LHX4: variants seen among roughly 807,000 people sequenced by gnomAD.
LHX4 encodes the protein LIM/homeobox protein Lhx4.
LHX4 carries 16 observed loss-of-function variants against 39.2 expected under a neutral mutation model. That is an observed-to-expected ratio of 0.41 (90% CI 0.28 to 0.62). LHX4 has a LOEUF of 0.62. Among genes scored for constraint, LHX4 ranks in the 20% least tolerant of loss-of-function variants. The pLI is 0.33. For missense variants in LHX4, 439 were observed against 511.9 expected, an observed-to-expected ratio of 0.86 and a Z score of 1.37; for synonymous variants, 206 against 198.1, an observed-to-expected ratio of 1.04 and a Z score of -0.33.
At position 180,277,863 on chromosome 1, in the gene LHX4, CCTT is replaced by C. The variant is rs1195253918; in HGVS notation, c.*3285_*3287del. ...CCACAAGAAAACCATTTGGCAGTGT[CCTT>C]AAACTTTTTTTGGGGGGGGGCAGTG... On this transcript the variant is annotated 3_prime_UTR_variant, in exon 6 of 6. Coordinates refer to ENST00000263726, the MANE Select transcript of LHX4 (RefSeq NM_033343.4). 1.1e-5 allele frequency: 1 copy of C among 93,140 alleles called. No homozygotes were observed. The highest frequency in any genetic ancestry group is 2.6e-5 in the Non-Finnish European group (1 of 38,686). The allele number at this position is 93,140 out of a possible 1,614,324, so 5.8% of individuals were successfully genotyped here. A position where few individuals can be genotyped will look rare whatever the true frequency, so the allele number is the denominator to read the frequency against.
At chr1:180,256,478 C>T (rs997719563) in intron 2 of LHX4, among the ~76,000 whole-genome samples, 2 of 152,218 alleles carry the variant, frequency 1.3e-5, no homozygotes, top group African/African-American at 4.8e-5. Flanking sequence ...GCAGGTCAGC[C>T]TGGGGGCCTC....
chr1:180,274,637 CAA>C lies in LHX4; in HGVS notation c.*61_*62del, dbSNP rs752434127. On this transcript the variant is annotated 3_prime_UTR_variant, in exon 6 of 6. Transcript: ENST00000263726. ...GGCTTGAGAGAATATCTTCAAGGAT[CAA>C]AAGAGACTTGCCTTTTAAGGATCGA... 36 of 1,487,260 alleles carry C rather than the reference CAA, an allele frequency of 2.4e-5. No individual in the cohort carries two copies. In the East Asian group the frequency reaches 4.3e-4, roughly 18 times the overall value. The allele number at this position is 1,487,260 out of a possible 1,614,324, so 92.1% of individuals were successfully genotyped here. A position where few individuals can be genotyped will look rare whatever the true frequency, so the allele number is the denominator to read the frequency against.
rs574475913 is a variant in LHX4, at chr1:180,234,702, C to T, written c.76+4097C>T. ...GGGCAAAGGTCTGCATTGAGCAGTC[C>T]GCAGTGTCCCGGGAAGTCGTAAAGT... On this transcript the variant is annotated intron_variant, in intron 1 of 5. Transcript: ENST00000263726. The surrounding 1 kb of genome is among the most constrained non-coding windows in gnomAD (Gnocchi z 4.8). 7.8e-4 allele frequency among the ~76,000 whole-genome samples: 119 copies of T among 152,388 alleles called. No homozygotes were observed. Among genetic ancestry groups the T allele is most frequent in the Admixed American group, 2.5e-3 (38 of 15,312 alleles).
rs149053932 is a variant in LHX4, at chr1:180,265,804, T to C, written c.249-588T>C. 3.3e-5 allele frequency among the ~76,000 whole-genome samples: 5 copies of C among 152,150 alleles called. No homozygotes were observed. The East Asian group carries it at 9.7e-4, about 30-fold the overall frequency. On this transcript the variant is annotated intron_variant, in intron 2 of 5. Transcript: ENST00000263726. ...CTTGGAGGGCTTTGTGTGTGCAGAATGGAGGTGAGGGGAGAAATGGAGGCA... is the reference window on the plus strand; with the variant it reads ...CTTGGAGGGCTTTGTGTGTGCAGAACGGAGGTGAGGGGAGAAATGGAGGCA...
At chr1:180,249,785 G>A (rs1331625648) in intron 2 of LHX4, among the ~76,000 whole-genome samples, 1 of 152,214 alleles carries the variant, frequency 6.6e-6, no homozygotes, top group Non-Finnish European at 1.5e-5. Context: ...GGTAACCAGT[G>A]CGTGGGGCTG....
At position 180,274,585 on chromosome 1, in the gene LHX4, TCTC is replaced by T. The variant is rs1440904685; in HGVS notation, c.*11_*13del. The T allele has an allele frequency of 1.9e-6, 3 of 1,558,966 alleles. No homozygotes were observed. The highest frequency in any genetic ancestry group is 2.6e-6 in the Non-Finnish European group (3 of 1,153,978). ...TGGATCATCCTCCTTTTTAAACTTC[TCTC>T]CTCCCCACCCTACCTGCCCCCCTGG... is the stretch of plus-strand genomic sequence containing the variant. On this transcript the variant is annotated 3_prime_UTR_variant, in exon 6 of 6. Coordinates refer to ENST00000263726, the MANE Select transcript of LHX4 (RefSeq NM_033343.4).
chr1:180,242,394 ATCTT>A (rs1664462207), intron 1 of LHX4, among the ~76,000 whole-genome samples: 3 of 151,936 alleles, frequency 2.0e-5, no homozygotes, highest in Admixed American at 1.3e-4. Flanking sequence ...CTCAAGGTGT[ATCTT>A]TATTTGTGAT....
chr1:180,259,490 G>A lies in LHX4; in HGVS notation c.249-6902G>A, dbSNP rs1032705087. Among the ~76,000 whole-genome samples, 9 of 151,922 alleles carry A rather than the reference G, an allele frequency of 5.9e-5. 1 individual carries two copies. Among genetic ancestry groups the A allele is most frequent in the South Asian group, 4.1e-4 (2 of 4,830 alleles). On this transcript the variant is annotated intron_variant, in intron 2 of 5. Coordinates refer to ENST00000263726, the MANE Select transcript of LHX4 (RefSeq NM_033343.4). The stretch of plus-strand genomic sequence containing the variant: ...GCAGGGGCTGGGGCCCCGGGTGTGC[G>A]AGTGGAAGGCACAGTGGGAGGTGGG...
intron 1 of LHX4, among the ~76,000 whole-genome samples, chr1:180,231,902 A>G (rs1664192272): frequency 1.3e-5 from 2 of 152,184 alleles, no homozygotes; most frequent in African/African-American, 4.8e-5. Flanking sequence ...AGAAGGGACT[A>G]GAAAAGAATA....
intron 1 of LHX4, among the ~76,000 whole-genome samples, chr1:180,236,455 A>T (rs1202375036): frequency 6.6e-6 from 1 of 152,222 alleles, no homozygotes; most frequent in African/African-American, 2.4e-5. Context: ...GACTGAAGCC[A>T]GAGACCCCAG....
At chr1:180,271,353 C>A (rs777911130) in intron 3 of LHX4, 27 bp from the exon 4 acceptor site, 31 of 1,613,942 alleles carry the variant, frequency 1.9e-5, no homozygotes, top group Non-Finnish European at 2.6e-5. Flanking sequence ...TAGGCCGAAG[C>A]CAGTAAGCAG....
At chr1:180,264,380 C>CACACACACACACACACACATA (rs1648229079) in intron 2 of LHX4, among the ~76,000 whole-genome samples, 2 of 25,240 alleles carry the variant, frequency 7.9e-5, no homozygotes, top group Non-Finnish European at 1.7e-4. Context: ...ACACACATAA[C>CACACACACACACACACACATA]ACACACACAC....
Position 180,234,219 on chromosome 1 carries a change from AT to A in LHX4, c.76+3615del, listed in dbSNP as rs1470244044. On this transcript the variant is annotated intron_variant, in intron 1 of 5. Coordinates refer to ENST00000263726, the MANE Select transcript of LHX4 (RefSeq NM_033343.4). This position sits in a 1 kb window ranked among gnomAD's most constrained non-coding sequence, Gnocchi z 4.8. Reference sequence around the variant, plus strand: ...TATATATATATATATATATATATATATAATAGATTGAGATTCTATCATATTC... The same window carrying A: ...TATATATATATATATATATATATATAAATAGATTGAGATTCTATCATATTC... 2.6e-3 allele frequency among the ~76,000 whole-genome samples: 192 copies of A among 74,278 alleles called. 2 individuals are homozygous for A. The highest frequency in any genetic ancestry group is 9.7e-3 in the African/African-American group (138 of 14,218). The allele number at this position is 74,278 out of a possible 152,430, so 48.7% of individuals were successfully genotyped here. A position where few individuals can be genotyped will look rare whatever the true frequency, so the allele number is the denominator to read the frequency against.
At chr1:180,229,964 A>T (rs941872336), upstream of LHX4, among the ~76,000 whole-genome samples, 3 of 73,482 alleles carry the variant, frequency 4.1e-5, no homozygotes, top group Non-Finnish European at 7.5e-5. Flanking sequence ...GGAGGCGGGG[A>T]GGGGGGGGGG....
chr1:180,228,768 C>A (rs547860554), upstream of LHX4, among the ~76,000 whole-genome samples: 45 of 152,324 alleles, frequency 3.0e-4, no homozygotes, highest in African/African-American at 1.1e-3. Flanking sequence ...TTCTCCCCCG[C>A]CCCATGCTCC....
chr1:180,265,492 A>G (rs538863498), intron 2 of LHX4, among the ~76,000 whole-genome samples: 1 of 152,188 alleles, frequency 6.6e-6, no homozygotes, highest in African/African-American at 2.4e-5. Context: ...AAACAACCCC[A>G]CTGGACGATA....
chr1:180,240,170 C>G (rs1664414800), intron 1 of LHX4, among the ~76,000 whole-genome samples: 1 of 152,178 alleles, frequency 6.6e-6, no homozygotes, highest in Non-Finnish European at 1.5e-5. Flanking sequence ...AATCTGGTCT[C>G]AGAGCATCGT....
rs1648954921 is a variant in LHX4, at chr1:180,275,189, A to G, written c.*610A>G. The G allele has an allele frequency of 6.6e-6, 1 of 152,236 alleles. No individual in the cohort carries two copies. The allele number at this position is 152,236 out of a possible 1,614,324, so 9.4% of individuals were successfully genotyped here. On this transcript the variant is annotated 3_prime_UTR_variant, in exon 6 of 6. Coordinates refer to ENST00000263726, the MANE Select transcript of LHX4 (RefSeq NM_033343.4). ...GTGAAGATATGAATTCTTTCCTACA[A>G]ACCAGAGAATATGAACCTGTTTTGG...
intron 3 of LHX4, 60 bp from the exon 4 acceptor site, chr1:180,271,320 G>A (rs1230153420): frequency 5.0e-6 from 8 of 1,588,230 alleles, no homozygotes; most frequent in South Asian, 2.2e-5. Context: ...GGAGGGTGTG[G>A]GAGGAGGCGC....
Sources: allele counts gnomAD v4.1 joint callset (sites outside exome capture counted in the v4.1 genomes callset), GRCh38; gene constraint gnomAD v4.1.1; non-coding constraint Gnocchi (gnomAD v3.1); transcripts MANE v1.5; gene names NCBI Gene and HGNC (gene_info 2026-07-23, HGNC 2026-07-21).